The following CEP44 variants were observed in gnomAD, a reference collection of about 807,000 sequenced individuals.
CEP44 encodes the protein centrosomal protein of 44 kDa.
CEP44 carries 45 observed loss-of-function variants against 46.7 expected under a neutral mutation model. The ratio of observed to expected loss-of-function variants is 0.96; its 90% CI spans 0.76 to 1.24. The LOEUF (loss-of-function observed/expected upper bound fraction) is 1.24, where lower values mean the gene tolerates loss of function less well. CEP44 is among the 50% of genes most tolerant of loss of function. The pLI is 0.00. For synonymous variants in CEP44, 142 were observed against 146.0 expected (o/e 0.97, Z 0.20); for missense variants, 475 against 459.7 (o/e 1.03, Z -0.30).
chr4:174,317,404 T>C lies in CEP44; in HGVS notation c.*21T>C, dbSNP rs376452917. On this transcript the variant is annotated 3_prime_UTR_variant, in exon 12 of 12. Transcript: ENST00000503780. Reference sequence around the variant, plus strand: ...TGTAGGATTTTCTACATGAACTTTTTTCTAGGACTTTGGTTACTATACATA... The same window carrying C: ...TGTAGGATTTTCTACATGAACTTTTCTCTAGGACTTTGGTTACTATACATA... 1.6e-4 allele frequency: 220 copies of C among 1,407,458 alleles called. No individual in the cohort carries two copies. The highest frequency in any genetic ancestry group is 1.9e-4 in the Non-Finnish European group (202 of 1,061,702). 87.2% of individuals were successfully genotyped at this position (1,407,458 alleles called of 1,614,324 possible).
intron 1 of CEP44, among the ~76,000 whole-genome samples, chr4:174,292,385 T>C (rs1225019195): frequency 2.6e-5 from 4 of 152,188 alleles, no homozygotes; most frequent in African/African-American, 9.7e-5. Flanking sequence ...GCTTCGTGAG[T>C]CTGGATGTCC....
In CEP44 at chr4:174,316,158, C is replaced by A. The variant is rs756892027; in HGVS notation, c.962-8C>A. On this transcript the variant is annotated splice_region_variant and splice_polypyrimidine_tract_variant and intron_variant, in intron 9 of 11. Transcript: ENST00000503780. ...GAAAAGGTAATCTAAAACTTAATTTCTTCACAGACAGAAAAAGCGAAGTAG... is the reference window on the plus strand; with the variant it reads ...GAAAAGGTAATCTAAAACTTAATTTATTCACAGACAGAAAAAGCGAAGTAG... The A allele has an allele frequency of 6.2e-7, 1 of 1,610,506 alleles. No homozygotes were observed. The highest frequency in any genetic ancestry group is 1.7e-5 in the Admixed American group (1 of 59,006).
chr4:174,303,554 T>C, intron 4 of CEP44, 149 bp from the exon 5 acceptor site: 1 of 456,772 alleles, frequency 2.2e-6, no homozygotes. Flanking sequence ...ACCAGCCCTA[T>C]GAATTACTTT....
chr4:174,313,335 T>C (rs1236421726), intron 9 of CEP44, among the ~76,000 whole-genome samples: 1 of 151,848 alleles, frequency 6.6e-6, no homozygotes, highest in East Asian at 1.9e-4. Context: ...TCCTTTTTTA[T>C]TTGCTTGTTT....
intron 1 of CEP44, among the ~76,000 whole-genome samples, chr4:174,295,003 G>A (rs1318703225): frequency 1.5e-5 from 2 of 134,366 alleles, no homozygotes; most frequent in Non-Finnish European, 3.1e-5. Flanking sequence ...CCTCCCTCCC[G>A]GATGGGACGG....
At chr4:174,292,827 T>C (rs1026389077) in intron 1 of CEP44, among the ~76,000 whole-genome samples, 2 of 152,246 alleles carry the variant, frequency 1.3e-5, no homozygotes, top group Non-Finnish European at 2.9e-5. Context: ...TTGTAGCTCA[T>C]TGAGCTTAAG....
intron 2 of CEP44, 53 bp from the exon 3 acceptor site, chr4:174,299,019 A>G (rs1739399908): frequency 1.0e-6 from 1 of 992,484 alleles, no homozygotes; most frequent in Admixed American, 2.4e-5. Flanking sequence ...TAGAATCAAG[A>G]AGCTTCAAAA....
downstream of CEP44, among the ~76,000 whole-genome samples, chr4:174,323,678 G>T (rs941750145): frequency 3.9e-5 from 6 of 152,120 alleles, no homozygotes; most frequent in Admixed American, 2.6e-4. Context: ...GGTAATTGCT[G>T]ATCTGTGCGA....
intron 2 of CEP44, among the ~76,000 whole-genome samples, 182 bp downstream of exon 2, chr4:174,298,244 C>T (rs1041232513): frequency 7.5e-6 from 1 of 132,650 alleles, no homozygotes; most frequent in Non-Finnish European, 1.5e-5. Context: ...GGCGGGATCT[C>T]GGCTCACTGC....
In CEP44 at chr4:174,329,276, A is replaced by T. The variant is rs571713285; in HGVS notation, c.1087-2206A>T. 4.1e-4 allele frequency among the ~76,000 whole-genome samples: 63 copies of T among 152,226 alleles called. No homozygotes were observed. Among genetic ancestry groups the T allele is most frequent in the African/African-American group, 1.5e-3 (63 of 41,552 alleles). On this transcript the variant is annotated intron_variant, in intron 8 of 8. Coordinates refer to the CEP44 transcript ENST00000426172. This position sits in a 1 kb window ranked among gnomAD's most constrained non-coding sequence, Gnocchi z 4.0. ...TATACTTTTCCATTTTATTAGGAAG[A>T]TGATTCAGGATGAATAGGAAAATAT... is the stretch of plus-strand genomic sequence containing the variant.
chr4:174,317,587 C>CTTTT lies in CEP44; in HGVS notation c.*214_*217dup. The CTTTT allele has an allele frequency of 1.1e-6, 1 of 887,762 alleles. No homozygotes were observed. The highest frequency in any genetic ancestry group is 1.4e-6 in the Non-Finnish European group (1 of 720,278). 55.0% of individuals were successfully genotyped at this position (887,762 alleles called of 1,614,324 possible). A position where few individuals can be genotyped will look rare whatever the true frequency, so the allele number is the denominator to read the frequency against. On this transcript the variant is annotated 3_prime_UTR_variant, in exon 12 of 12. Coordinates refer to ENST00000503780, the MANE Select transcript of CEP44 (RefSeq NM_001040157.3). ...GATTATACTGCTTTACCTTGTGTCA[C>CTTTT]TTTTTTTTTTTTTAGGAAAAACTCA... is the stretch of plus-strand genomic sequence containing the variant.
chr4:174,300,705 CACACACACA>C (rs1739608341), intron 3 of CEP44, among the ~76,000 whole-genome samples: 1 of 152,060 alleles, frequency 6.6e-6, no homozygotes, highest in Non-Finnish European at 1.5e-5. Context: ...CACATTTAAG[CACACACACA>C]ACACCCCCAT....
chr4:174,287,801 C>G lies in CEP44; in HGVS notation c.-148+3858C>G, dbSNP rs1002607185. 1.3e-5 allele frequency among the ~76,000 whole-genome samples: 2 copies of G among 152,070 alleles called. No homozygotes were observed. The highest frequency in any genetic ancestry group is 4.8e-5 in the African/African-American group (2 of 41,412). On this transcript the variant is annotated intron_variant, in intron 1 of 11. Coordinates refer to ENST00000503780, the MANE Select transcript of CEP44 (RefSeq NM_001040157.3). This position sits in a 1 kb window ranked among gnomAD's most constrained non-coding sequence, Gnocchi z 5.1. ...ATGTTTATAAGTGTTTTGCAGTAAC[C>G]TTTTTGTTTCTATAATTTCATGGTA...
chr4:174,305,030 A>C (rs918469884), intron 6 of CEP44, among the ~76,000 whole-genome samples: 1 of 152,214 alleles, frequency 6.6e-6, no homozygotes. Flanking sequence ...GAATGATAGA[A>C]TATCAGATGA....
rs189792218 is a variant in CEP44, at chr4:174,325,695, A to T, written c.1087-5787A>T. On this transcript the variant is annotated intron_variant, in intron 8 of 8. Coordinates refer to the CEP44 transcript ENST00000426172. This position sits in a 1 kb window ranked among gnomAD's most constrained non-coding sequence, Gnocchi z 4.4. ...GAGAGGTGTTGAAGTCTCCAACTAG[A>T]ACTGTAGATGAAGACTAAAAAACTT... 1.5e-4 allele frequency among the ~76,000 whole-genome samples: 23 copies of T among 152,234 alleles called. No individual in the cohort carries two copies. Among genetic ancestry groups the T allele is most frequent in the African/African-American group, 5.3e-4 (22 of 41,558 alleles).
chr4:174,289,602 T>A (rs1164847976), intron 1 of CEP44, among the ~76,000 whole-genome samples: 1 of 152,040 alleles, frequency 6.6e-6, no homozygotes, highest in Non-Finnish European at 1.5e-5. Flanking sequence ...CCTCTTTCAT[T>A]TCTGATTTTG....
intron 8 of CEP44, among the ~76,000 whole-genome samples, chr4:174,327,852 TA>T (rs1731065075): frequency 6.6e-6 from 1 of 152,150 alleles, no homozygotes; most frequent in Non-Finnish European, 1.5e-5. Context: ...CTGTAAACAG[TA>T]ATATCAATAC....
At chr4:174,299,942 A>G (rs1739518734) in intron 3 of CEP44, among the ~76,000 whole-genome samples, 1 of 152,080 alleles carries the variant, frequency 6.6e-6, no homozygotes. Flanking sequence ...TAATTGATGG[A>G]TTGGTTAAAT....
Position 174,325,925 on chromosome 4 carries a change from T to C in CEP44, c.1087-5557T>C, listed in dbSNP as rs969924183. On this transcript the variant is annotated intron_variant, in intron 8 of 8. Transcript: ENST00000426172. The surrounding 1 kb of genome is among the most constrained non-coding windows in gnomAD (Gnocchi z 4.4). ...TTAGGAAGTGTTACTACAGTATTTATTTCCCATCTTTTTACTTTTAATGTA... is the reference window on the plus strand; with the variant it reads ...TTAGGAAGTGTTACTACAGTATTTACTTCCCATCTTTTTACTTTTAATGTA... Among the ~76,000 whole-genome samples the C allele has an allele frequency of 6.6e-6, 1 of 152,296 alleles. No homozygotes were observed. Among genetic ancestry groups the C allele is most frequent in the African/African-American group, 2.4e-5 (1 of 41,574 alleles).
Sources: gnomAD v4.1 joint callset for allele counts (sites outside exome capture counted in the v4.1 genomes callset) on GRCh38, gnomAD v4.1.1 for gene constraint, Gnocchi (gnomAD v3.1) non-coding constraint, MANE v1.5 for transcripts, NCBI Gene and HGNC (gene_info 2026-07-23, HGNC 2026-07-21) for gene names.